NBAS: variants seen among roughly 807,000 people sequenced by gnomAD.
NBAS encodes the protein NBAS subunit of NRZ tethering complex.
In NBAS, 219 loss-of-function variants were observed where a neutral mutation model predicts 302.5. The ratio of observed to expected loss-of-function variants is 0.72; its 90% CI spans 0.65 to 0.81. The LOEUF is 0.81. Among genes scored for constraint, NBAS ranks in the 30% least tolerant of loss-of-function variants. The pLI is 0.00. For synonymous variants in NBAS, 1,118 were observed against 1,021.6 expected (o/e 1.09, Z -1.80); for missense variants, 2,932 against 2,841.6 (o/e 1.03, Z -0.72).
At chr2:14,784,187 G>C in the NBAS span, among the ~76,000 whole-genome samples, 1 of 152,196 alleles carries the variant, frequency 6.6e-6, no homozygotes, top group Non-Finnish European at 1.5e-5. Context: ...TTGTAAATTC[G>C]TTTGAGTTCA....
chr2:15,152,119 G>T, the NBAS span, among the ~76,000 whole-genome samples: 1 of 152,098 alleles, frequency 6.6e-6, no homozygotes, highest in South Asian at 2.1e-4. Context: ...CAAAGTGCTG[G>T]GATTACAGGC....
At chr2:15,262,665 G>A (rs1008193633) in intron 44 of NBAS, among the ~76,000 whole-genome samples, 11 of 152,150 alleles carry the variant, frequency 7.2e-5, no homozygotes, top group Admixed American at 6.5e-5. Flanking sequence ...AACACACTGA[G>A]AGCCTACAAC....
the NBAS span, among the ~76,000 whole-genome samples, chr2:14,822,789 T>C: frequency 6.6e-6 from 1 of 152,240 alleles, no homozygotes; most frequent in Non-Finnish European, 1.5e-5. Context: ...TGTTGTTTGA[T>C]ATAATTATAG....
chr2:14,820,549 T>G, the NBAS span, among the ~76,000 whole-genome samples: 3 of 151,972 alleles, frequency 2.0e-5, no homozygotes, highest in Non-Finnish European at 4.4e-5. Flanking sequence ...GGGGAGGTGG[T>G]GGATGATTAA....
the NBAS span, among the ~76,000 whole-genome samples, chr2:14,822,920 G>A: frequency 6.6e-6 from 1 of 152,110 alleles, no homozygotes; most frequent in African/African-American, 2.4e-5. Context: ...TCCCTAAGGT[G>A]GGTAAAGGCA....
chr2:15,189,338 T>G (rs945133260), intron 49 of NBAS, among the ~76,000 whole-genome samples: 1 of 152,210 alleles, frequency 6.6e-6, no homozygotes, highest in African/African-American at 2.4e-5. Context: ...TGGAATCTTT[T>G]CCAGATATTT....
At chr2:15,488,869 T>A in intron 12 of NBAS, 25 bp downstream of exon 12, 1 of 1,612,984 alleles carries the variant, frequency 6.2e-7, no homozygotes, top group South Asian at 1.1e-5. Context: ...TAAGAGAGTA[T>A]CATTCTAATA....
At chr2:15,033,883 G>A in the NBAS span, among the ~76,000 whole-genome samples, 2 of 151,610 alleles carry the variant, frequency 1.3e-5, no homozygotes, top group Non-Finnish European at 2.9e-5. Context: ...AGGGGGCAGA[G>A]TTTGCAGTAA....
chr2:14,931,211 C>T, the NBAS span, among the ~76,000 whole-genome samples: 1 of 152,194 alleles, frequency 6.6e-6, no homozygotes, highest in Non-Finnish European at 1.5e-5. Context: ...TGGAAGATGC[C>T]AGCAGGCTGA....
At chr2:15,329,094 T>A (rs927474170) in intron 36 of NBAS, among the ~76,000 whole-genome samples, 2 of 152,180 alleles carry the variant, frequency 1.3e-5, no homozygotes, top group Non-Finnish European at 2.9e-5. Flanking sequence ...AGATTATAGT[T>A]AATTATGTTT....
At chr2:15,079,147 T>G in the NBAS span, among the ~76,000 whole-genome samples, 1 of 152,064 alleles carries the variant, frequency 6.6e-6, no homozygotes, top group African/African-American at 2.4e-5. Flanking sequence ...TAAAACTCTG[T>G]AAAATGATAA....
the NBAS span, among the ~76,000 whole-genome samples, chr2:14,801,848 C>G: frequency 9.4e-4 from 143 of 151,530 alleles, no homozygotes; most frequent in South Asian, 1.0e-3. Context: ...TCATGTCCTT[C>G]GCCCACTTTT....
the NBAS span, among the ~76,000 whole-genome samples, chr2:14,877,357 T>A: frequency 1.3e-5 from 2 of 152,334 alleles, no homozygotes; most frequent in South Asian, 4.1e-4. Flanking sequence ...TCTAGTTCAG[T>A]ATGTTTTCTC....
the NBAS span, among the ~76,000 whole-genome samples, chr2:14,925,579 T>C: frequency 6.6e-6 from 1 of 152,202 alleles, no homozygotes. Context: ...TTTTGGCTCA[T>C]GCATCCCACT....
intron 10 of NBAS, among the ~76,000 whole-genome samples, chr2:15,504,584 C>A (rs748349793): frequency 1.3e-5 from 2 of 152,252 alleles, no homozygotes; most frequent in Non-Finnish European, 2.9e-5. Flanking sequence ...CATCTATTAA[C>A]AATTGATTCT....
chr2:14,964,899 C>T, the NBAS span, among the ~76,000 whole-genome samples: 1 of 151,924 alleles, frequency 6.6e-6, no homozygotes, highest in African/African-American at 2.4e-5. Flanking sequence ...TCAATATTGC[C>T]ACATATTTGG....
At chr2:14,795,139 T>C in the NBAS span, among the ~76,000 whole-genome samples, 1 of 152,348 alleles carries the variant, frequency 6.6e-6, no homozygotes, top group East Asian at 1.9e-4. Flanking sequence ...GTCTAGTTCA[T>C]ATGCTAGGTG....
At chr2:15,250,133 A>C (rs1469664966) in intron 44 of NBAS, among the ~76,000 whole-genome samples, 1 of 152,028 alleles carries the variant, frequency 6.6e-6, no homozygotes. Context: ...CAATGGAACA[A>C]AACAGAGGCC....
At chr2:15,408,152 G>A (rs1676510533) in intron 25 of NBAS, among the ~76,000 whole-genome samples, 1 of 152,156 alleles carries the variant, frequency 6.6e-6, no homozygotes, top group Non-Finnish European at 1.5e-5. Flanking sequence ...ATCTTCATAG[G>A]TTCAGGAATT....
Sources: gnomAD v4.1 joint callset for allele counts (sites outside exome capture counted in the v4.1 genomes callset) on GRCh38, gnomAD v4.1.1 for gene constraint, MANE v1.5 for transcripts, NCBI Gene and HGNC (gene_info 2026-07-23, HGNC 2026-07-21) for gene names.